CPPED1: variants seen among roughly 807,000 people sequenced by gnomAD.
The protein encoded by CPPED1 is calcineurin like phosphoesterase domain containing 1, also known as serine/threonine-protein phosphatase CPPED1.
Under a neutral mutation model 28.0 loss-of-function variants are expected in CPPED1, and 28 were observed. That is an observed-to-expected ratio of 1.00 (90% confidence interval 0.74 to 1.37). The LOEUF (loss-of-function observed/expected upper bound fraction) is 1.37, where lower values mean the gene tolerates loss of function less well. Ranked by LOEUF, CPPED1 falls within the 40% of genes most tolerant of loss-of-function variation. The pLI, the probability that CPPED1 is intolerant of heterozygous loss-of-function variation, is 0.00. For synonymous variants in CPPED1, 198 were observed against 180.2 expected (o/e 1.10, Z -0.79); for missense variants, 504 against 416.5 (o/e 1.21, Z -1.83).
chr16:12,754,660 C>T (rs907735728), intron 2 of CPPED1, among the ~76,000 whole-genome samples: 1 of 149,048 alleles, frequency 6.7e-6, no homozygotes, highest in Non-Finnish European at 1.5e-5. Flanking sequence ...GGGAGAATAC[C>T]AGCTTTTCTT....
intron 2 of CPPED1, among the ~76,000 whole-genome samples, chr16:12,706,352 T>A (rs550670769): frequency 1.3e-5 from 2 of 151,386 alleles, no homozygotes; most frequent in Non-Finnish European, 3.0e-5. Context: ...CCCTTTATAT[T>A]AGGTTGGTGC....
At chr16:12,722,322 C>T (rs867624360) in intron 2 of CPPED1, among the ~76,000 whole-genome samples, 2 of 152,150 alleles carry the variant, frequency 1.3e-5, no homozygotes, top group Non-Finnish European at 2.9e-5. Flanking sequence ...AAGTAGATGC[C>T]GAGCAGTTAG....
intron 3 of CPPED1, among the ~76,000 whole-genome samples, chr16:12,693,235 C>T (rs533720642): frequency 2.0e-5 from 3 of 152,300 alleles, no homozygotes; most frequent in East Asian, 1.9e-4. Context: ...GAGAGTCTCA[C>T]TCTGTCACCC....
intron 1 of CPPED1, among the ~76,000 whole-genome samples, chr16:12,785,878 G>A (rs2080559882): frequency 1.3e-5 from 2 of 151,802 alleles, no homozygotes; most frequent in African/African-American, 4.8e-5. Flanking sequence ...ATGGAAGTAT[G>A]GATAAACTGA....
In CPPED1 at chr16:12,766,479, C is replaced by T. The variant is rs566888294; in HGVS notation, c.289+14706G>A. ...GAGGAAGATGCAAAAGCAGAAACCC[C>T]TGATAAAACCATCAGATCTCGTAGT... On this transcript the variant is annotated intron_variant, in intron 2 of 3. Coordinates refer to ENST00000381774, the MANE Select transcript of CPPED1 (RefSeq NM_018340.3). Among the ~76,000 whole-genome samples, 4 of 152,104 alleles carry T rather than the reference C, an allele frequency of 2.6e-5. No homozygotes were observed. In the South Asian group the frequency reaches 8.3e-4, roughly 31 times the overall value.
rs2080530871 is a variant in CPPED1 at position 12,781,390 on chromosome 16, T to C, written c.84A>G (p.Glu28=). The change falls in exon 2 of 4, where the codon GAA becomes GAG. Residue 28 remains glutamate (E), a synonymous_variant. Transcript: ENST00000381774. The part of the protein sequence containing the change: ...LAAFPAEKES[E]WKGPFYFILG... The stretch of plus-strand genomic sequence containing the variant: ...GGATGAAGTAGAATGGGCCTTTCCA[T>C]TCGCTTTCCTTTTCTTAAAAAAAGA... The C allele has an allele frequency of 1.2e-6, 2 of 1,613,306 alleles. No homozygotes were observed. Among genetic ancestry groups the C allele is most frequent in the Non-Finnish European group, 1.7e-6 (2 of 1,179,730 alleles).
intron 2 of CPPED1, among the ~76,000 whole-genome samples, chr16:12,766,495 A>C (rs1252866114): frequency 2.6e-5 from 4 of 152,038 alleles, no homozygotes; most frequent in African/African-American, 9.7e-5. Context: ...AAACCATCAG[A>C]TCTCGTAGTA....
At chr16:12,772,701 T>G (rs2080476883) in intron 2 of CPPED1, among the ~76,000 whole-genome samples, 1 of 152,242 alleles carries the variant, frequency 6.6e-6, no homozygotes, top group Non-Finnish European at 1.5e-5. Context: ...GGGAATGACA[T>G]TAAATCAGAA....
chr16:12,707,410 G>A (rs2080057183), intron 2 of CPPED1, among the ~76,000 whole-genome samples: 1 of 152,158 alleles, frequency 6.6e-6, no homozygotes, highest in African/African-American at 2.4e-5. Context: ...TTTGAACTTG[G>A]TGGTCTGGCT....
chr16:12,721,235 A>C (rs1223448284), intron 2 of CPPED1, among the ~76,000 whole-genome samples: 1 of 152,144 alleles, frequency 6.6e-6, no homozygotes, highest in Non-Finnish European at 1.5e-5. Flanking sequence ...TACCACGGAA[A>C]CTTAGTACTT....
intron 3 of CPPED1, among the ~76,000 whole-genome samples, chr16:12,679,643 T>A (rs1162905269): frequency 1.3e-5 from 2 of 152,208 alleles, no homozygotes; most frequent in African/African-American, 4.8e-5. Flanking sequence ...AATGTATCTT[T>A]TACTTATTCC....
In CPPED1 at chr16:12,781,278, G is replaced by A. The variant is rs372034638; in HGVS notation, c.196C>T (p.Arg66Cys). 1.5e-5 allele frequency: 25 copies of A among 1,614,008 alleles called. No homozygotes were observed. Among genetic ancestry groups the A allele is most frequent in the African/African-American group, 5.3e-5 (4 of 74,924 alleles). Reference sequence around the variant, plus strand: ...GCCTGGACGGCTTGCTCAGTTAGACGGATCTCCTGTTCCCATTCGTCACCG... The same window carrying A: ...GCCTGGACGGCTTGCTCAGTTAGACAGATCTCCTGTTCCCATTCGTCACCG... ...NGGDEWEQEI[R>C]LTEQAVQAIN... Residue 66 changes from arginine to cysteine, a missense_variant, in exon 2 of 4, where the codon CGT (arginine) becomes TGT (cysteine). Coordinates refer to ENST00000381774, the MANE Select transcript of CPPED1 (RefSeq NM_018340.3).
intron 2 of CPPED1, among the ~76,000 whole-genome samples, chr16:12,741,865 A>C (rs1290553355): frequency 1.3e-5 from 2 of 152,092 alleles, no homozygotes; most frequent in Admixed American, 1.3e-4. Flanking sequence ...AGGAGTTCGA[A>C]ACCAGCATCG....
Position 12,767,057 on chromosome 16 carries a change from T to C in CPPED1, c.289+14128A>G, listed in dbSNP as rs8053316. 1.0e-3 allele frequency among the ~76,000 whole-genome samples: 158 copies of C among 151,808 alleles called. 1 individual carries two copies. Among genetic ancestry groups the C allele is most frequent in the African/African-American group, 3.5e-3 (146 of 41,380 alleles). On this transcript the variant is annotated intron_variant, in intron 2 of 3. Transcript: ENST00000381774. ...TCAGTCATGTGCTCCAGGGAACCAA[T>C]AGGAGATACACAGATATGTAAGAGG...
chr16:12,711,033 C>A (rs1389173951), intron 2 of CPPED1, among the ~76,000 whole-genome samples: 1 of 152,164 alleles, frequency 6.6e-6, no homozygotes, highest in African/African-American at 2.4e-5. Flanking sequence ...TGTTTGTACA[C>A]CTATGCTCAC....
intron 2 of CPPED1, among the ~76,000 whole-genome samples, chr16:12,731,134 C>A (rs1178099882): frequency 6.8e-6 from 1 of 147,938 alleles, no homozygotes; most frequent in Non-Finnish European, 1.5e-5. Flanking sequence ...ATATGGAGAC[C>A]CTGTCTCTTC....
chr16:12,756,889 C>A (rs2080373072), intron 2 of CPPED1, among the ~76,000 whole-genome samples: 1 of 149,950 alleles, frequency 6.7e-6, no homozygotes, highest in African/African-American at 2.5e-5. Flanking sequence ...AAAGTGTTTC[C>A]CCCTAGAGAG....
chr16:12,664,575 T>C lies in CPPED1; in HGVS notation c.*311A>G, dbSNP rs1028441284. On this transcript the variant is annotated 3_prime_UTR_variant, in exon 4 of 4. Transcript: ENST00000381774. This position sits in a 1 kb window ranked among gnomAD's most constrained non-coding sequence, Gnocchi z 4.2. ...GACTTTGACCATATGCTAACCAGAA[T>C]ACAATCCAATTCAAAAGTGGAGTTG... 1 of 1,173,566 alleles carries C rather than the reference T, an allele frequency of 8.5e-7. No individual in the cohort carries two copies. The highest frequency in any genetic ancestry group is 1.1e-6 in the Non-Finnish European group (1 of 949,408). 72.7% of individuals were successfully genotyped at this position (1,173,566 alleles called of 1,614,324 possible).
rs74765490 is a variant in CPPED1, at chr16:12,682,441, T to C, written c.716-17326A>G. ...TGTAGAATATGCAAGAGGAGGGCTG[T>C]ATTTTTTTAATACTAATATTTGGTT... On this transcript the variant is annotated intron_variant, in intron 3 of 3. Transcript: ENST00000381774. This position sits in a 1 kb window ranked among gnomAD's most constrained non-coding sequence, Gnocchi z 6.1. Among the ~76,000 whole-genome samples the C allele has an allele frequency of 2.7e-3, 405 of 152,312 alleles. 2 individuals carry two copies. The highest frequency in any genetic ancestry group is 8.5e-3 in the African/African-American group (354 of 41,566).
Sources: gnomAD v4.1 joint callset for allele counts (sites outside exome capture counted in the v4.1 genomes callset) on GRCh38, gnomAD v4.1.1 for gene constraint, Gnocchi (gnomAD v3.1) non-coding constraint, MANE v1.5 for transcripts, NCBI Gene and HGNC (gene_info 2026-07-23, HGNC 2026-07-21) for gene names.